The following FBXO27 variants were observed in gnomAD, a reference collection of about 807,000 sequenced individuals.
The protein encoded by FBXO27 is F-box protein 27, also known as F-box only protein 27.
In FBXO27, 28 loss-of-function variants were observed where a neutral mutation model predicts 28.3. The ratio of observed to expected loss-of-function variants is 0.99; its 90% CI spans 0.73 to 1.36. The LOEUF (loss-of-function observed/expected upper bound fraction) is 1.36. Ranked by LOEUF, FBXO27 falls within the 40% of genes most tolerant of loss-of-function variation. The pLI is 0.00. For synonymous variants in FBXO27, 175 were observed against 167.3 expected (o/e 1.05, Z -0.36); for missense variants, 388 against 394.1 (o/e 0.98, Z 0.13).
At chr19:39,012,553 C>T (rs952001848) in intron 2 of FBXO27, among the ~76,000 whole-genome samples, 4 of 152,200 alleles carry the variant, frequency 2.6e-5, no homozygotes, top group African/African-American at 9.6e-5. Flanking sequence ...AAGCATTTCA[C>T]AGAAGAAACA....
intron 4 of FBXO27, among the ~76,000 whole-genome samples, chr19:39,029,733 C>T (rs1416663602): frequency 2.0e-5 from 3 of 152,130 alleles, no homozygotes; most frequent in Non-Finnish European, 4.4e-5. Flanking sequence ...TCATGCACCC[C>T]AGTTTCAAGA....
At position 39,013,929 on chromosome 19, in the gene FBXO27, C is replaced by T. The variant is rs551176468; in HGVS notation, c.252+458G>A. On this transcript the variant is annotated intron_variant, in intron 2 of 2. Coordinates refer to the FBXO27 transcript ENST00000598394. Reference sequence around the variant, plus strand: ...TCGGGAGGCTGAGGCAGGAGAATGGCGTGAACCTGGGAGGCAGAGCTTGCA... The same window carrying T: ...TCGGGAGGCTGAGGCAGGAGAATGGTGTGAACCTGGGAGGCAGAGCTTGCA... Among the ~76,000 whole-genome samples the T allele has an allele frequency of 9.2e-5, 14 of 152,194 alleles. No homozygotes were observed. The South Asian group carries it at 2.9e-3, about 32-fold the overall frequency.
Position 39,024,365 on chromosome 19 carries a change from A to T in FBXO27, c.*1046T>A, listed in dbSNP as rs1332639195. On this transcript the variant is annotated 3_prime_UTR_variant, in exon 6 of 6. Transcript: ENST00000292853. ...CAGCCTCCCAAGTAGCTTGGACTAC[A>T]GGTGTGTACTACTGTACCTGGCTAA... 6.6e-6 allele frequency: 1 copy of T among 152,032 alleles called. No individual in the cohort carries two copies. Among genetic ancestry groups the T allele is most frequent in the East Asian group, 1.9e-4 (1 of 5,164 alleles). The allele number at this position is 152,032 out of a possible 1,614,324, so 9.4% of individuals were successfully genotyped here. A position where few individuals can be genotyped will look rare whatever the true frequency, so the allele number is the denominator to read the frequency against.
rs1454237492 is a variant in FBXO27, at chr19:39,031,256, T to C, written c.429A>G (p.Thr143=). 3.1e-6 allele frequency: 5 copies of C among 1,613,934 alleles called. No homozygotes were observed. The highest frequency in any genetic ancestry group is 4.2e-6 in the Non-Finnish European group (5 of 1,179,978). ...TCTGAGAAGGGGCCCCAGGCACGGT[T>C]GTCCTGTTTTCCTCCACCACCCAGC... ...GDGWVVEENR[T]TVPGAPSQTC... The change falls in exon 3 of 6, where the codon ACA becomes ACG. Residue 143 remains threonine, a synonymous_variant. Transcript: ENST00000292853.
At chr19:39,029,449 A>T (rs2072890741) in intron 4 of FBXO27, among the ~76,000 whole-genome samples, 1 of 136,418 alleles carries the variant, frequency 7.3e-6, no homozygotes, top group Non-Finnish European at 1.6e-5. Flanking sequence ...AAAAAAAGTG[A>T]ATTTGCTAAG....
chr19:39,010,417 C>T (rs560109574), intron 2 of FBXO27, among the ~76,000 whole-genome samples: 1 of 152,198 alleles, frequency 6.6e-6, no homozygotes, highest in Non-Finnish European at 1.5e-5. Context: ...AATTGATCAT[C>T]GAGGTATGAG....
At chr19:39,010,064 C>A (rs1334342966) in intron 2 of FBXO27, among the ~76,000 whole-genome samples, 1 of 152,112 alleles carries the variant, frequency 6.6e-6, no homozygotes, top group Non-Finnish European at 1.5e-5. Flanking sequence ...TCTGCCTCAG[C>A]CTCCCAAAGT....
At chr19:39,028,230 C>CAAAAACA (rs1243789147) in intron 4 of FBXO27, among the ~76,000 whole-genome samples, 8 of 151,766 alleles carry the variant, frequency 5.3e-5, no homozygotes, top group African/African-American at 1.9e-4. Flanking sequence ...GACCCTGTCT[C>CAAAAACA]AAAAACAAAA....
chr19:39,009,104 G>A (rs560328801), intron 2 of FBXO27, among the ~76,000 whole-genome samples: 1 of 152,338 alleles, frequency 6.6e-6, no homozygotes, highest in African/African-American at 2.4e-5. Flanking sequence ...TTACAGGCGT[G>A]AGCCTCCATG....
intron 1 of FBXO27, among the ~76,000 whole-genome samples, chr19:39,015,223 G>A (rs2072814012): frequency 6.7e-6 from 1 of 148,956 alleles, no homozygotes; most frequent in Non-Finnish European, 1.5e-5. Flanking sequence ...GGAAGCTGAG[G>A]CAGGAGGATG....
In FBXO27 at chr19:39,032,532, A is replaced by C. The variant is rs1422180357; in HGVS notation, c.-56T>G. On this transcript the variant is annotated 5_prime_UTR_variant, in exon 1 of 6. Coordinates refer to ENST00000292853, the MANE Select transcript of FBXO27 (RefSeq NM_178820.5). This position sits in a 1 kb window ranked among gnomAD's most constrained non-coding sequence, Gnocchi z 4.7. ...GGGCCTGGCGGCGCTCCTCGCCGGG[A>C]TGCCCTAGCTGTGCCGCAAGCTCCC... 6 of 339,966 alleles carry C rather than the reference A, an allele frequency of 1.8e-5. No homozygotes were observed. The allele number at this position is 339,966 out of a possible 1,614,324, so 21.1% of individuals were successfully genotyped here. A position where few individuals can be genotyped will look rare whatever the true frequency, so the allele number is the denominator to read the frequency against.
At chr19:39,014,051 T>C (rs2072808333) in intron 2 of FBXO27, among the ~76,000 whole-genome samples, 1 of 152,214 alleles carries the variant, frequency 6.6e-6, no homozygotes, top group African/African-American at 2.4e-5. Flanking sequence ...GGCATTTTTA[T>C]GTGATCCAGA....
At chr19:39,030,979 T>C (rs2144905500) in intron 4 of FBXO27, 50 bp downstream of exon 4, 1 of 1,486,902 alleles carries the variant, frequency 6.7e-7, no homozygotes. Context: ...AAAGGCCATG[T>C]CACATGCAGT....
In FBXO27 at chr19:39,012,278, G is replaced by A. The variant is rs558385074; in HGVS notation, c.252+2109C>T. On this transcript the variant is annotated intron_variant, in intron 2 of 2. Coordinates refer to the FBXO27 transcript ENST00000598394. ...TTGCTTACCGCAACCTCAGCCTCCC[G>A]GGTTCAAGCAATTCTCCTGCCTCAG... Among the ~76,000 whole-genome samples the A allele has an allele frequency of 1.5e-4, 23 of 149,138 alleles. No individual in the cohort carries two copies. The East Asian group carries it at 2.4e-3, about 16-fold the overall frequency.
At chr19:39,023,525 A>G (rs1222223036), downstream of FBXO27, among the ~76,000 whole-genome samples, 7 of 152,102 alleles carry the variant, frequency 4.6e-5, no homozygotes, top group African/African-American at 1.7e-4. Context: ...CACTTGGGCC[A>G]TGCTTTTCTT....
chr19:39,012,977 AAACAAACG>A lies in FBXO27; in HGVS notation c.252+1402_252+1409del, dbSNP rs557752792. Among the ~76,000 whole-genome samples, 716 of 128,686 alleles carry A rather than the reference AAACAAACG, an allele frequency of 5.6e-3. 4 individuals carry two copies. Among genetic ancestry groups the A allele is most frequent in the Non-Finnish European group, 7.0e-3 (394 of 56,176 alleles). The allele number at this position is 128,686 out of a possible 152,430, so 84.4% of individuals were successfully genotyped here. ...CCTGTCTCAAAACAAACAAACAAAC[AAACAAACG>A]AACAAACAAACAACAGAAATCCTAA... On this transcript the variant is annotated intron_variant, in intron 2 of 2. Transcript: ENST00000598394.
chr19:39,022,368 T>C (rs1299053652), downstream of FBXO27, among the ~76,000 whole-genome samples: 1 of 151,982 alleles, frequency 6.6e-6, no homozygotes, highest in Non-Finnish European at 1.5e-5. Flanking sequence ...CTTGAACTCC[T>C]GGGCTCAAGC....
At position 39,025,209 on chromosome 19, in the gene FBXO27, T is replaced by G; in HGVS notation, c.*202A>C. ...CCCCCCCGCAAAGCAGCAGCTGCAG[T>G]AGGTAGATAAGATGGAAGAAGCTTC... On this transcript the variant is annotated 3_prime_UTR_variant, in exon 6 of 6. Transcript: ENST00000292853. The G allele has an allele frequency of 3.2e-6, 2 of 622,014 alleles. No individual in the cohort carries two copies. Among genetic ancestry groups the G allele is most frequent in the Non-Finnish European group, 2.6e-6 (1 of 380,326 alleles). The allele number at this position is 622,014 out of a possible 1,614,324, so 38.5% of individuals were successfully genotyped here. A position where few individuals can be genotyped will look rare whatever the true frequency, so the allele number is the denominator to read the frequency against.
At chr19:39,021,806 G>A (rs77181409), downstream of FBXO27, among the ~76,000 whole-genome samples, 12,986 of 151,960 alleles carry the variant, frequency 0.085, 706 homozygotes, top group Non-Finnish European at 0.12. Flanking sequence ...GGGATTACAG[G>A]TACCTGCCAC....
Sources: gnomAD v4.1 joint callset for allele counts (sites outside exome capture counted in the v4.1 genomes callset) on GRCh38, gnomAD v4.1.1 for gene constraint, Gnocchi (gnomAD v3.1) non-coding constraint, MANE v1.5 for transcripts, NCBI Gene and HGNC (gene_info 2026-07-23, HGNC 2026-07-21) for gene names.